MICU1: variants seen among roughly 807,000 people sequenced by gnomAD.
MICU1 encodes calcium uptake protein 1, mitochondrial.
In MICU1, 45 loss-of-function variants were observed where a neutral mutation model predicts 56.8. That is an observed-to-expected ratio of 0.79 (90% CI 0.62 to 1.02). The LOEUF is 1.02. MICU1 is among the 50% of genes least tolerant of loss of function. The pLI is 0.00. For missense variants in MICU1, 504 were observed against 587.1 expected, an observed-to-expected ratio of 0.86 and a Z score of 1.46; for synonymous variants, 186 against 195.1, an observed-to-expected ratio of 0.95 and a Z score of 0.39.
At chr10:72,407,354 A>G (rs1863664909) in intron 10 of MICU1, among the ~76,000 whole-genome samples, 1 of 152,200 alleles carries the variant, frequency 6.6e-6, no homozygotes, top group Admixed American at 6.5e-5. Flanking sequence ...TATTTAAATA[A>G]TTATTTCAAC....
intron 1 of MICU1, among the ~76,000 whole-genome samples, chr10:72,619,570 A>G (rs1842055173): frequency 1.3e-5 from 2 of 152,250 alleles, no homozygotes; most frequent in African/African-American, 4.8e-5. Context: ...GATGATGAAT[A>G]AGACCCAGTT....
intron 1 of MICU1, among the ~76,000 whole-genome samples, chr10:72,610,704 C>T (rs1841820617): frequency 6.6e-6 from 1 of 152,200 alleles, no homozygotes; most frequent in Non-Finnish European, 1.5e-5. Flanking sequence ...ACAGACATCA[C>T]TGTCCTCCCA....
rs1329380530 is a variant in MICU1 at position 72,569,226 on chromosome 10, TATATA to T, written c.-1-2437_-1-2433del. Among the ~76,000 whole-genome samples the T allele has an allele frequency of 3.4e-3, 181 of 53,034 alleles. 3 individuals are homozygous for T. The highest frequency in any genetic ancestry group is 0.03 in the East Asian group (59 of 1,982). 34.8% of individuals were successfully genotyped at this position (53,034 alleles called of 152,430 possible). A position where few individuals can be genotyped will look rare whatever the true frequency, so the allele number is the denominator to read the frequency against. On this transcript the variant is annotated intron_variant, in intron 1 of 11. Transcript: ENST00000361114. Reference sequence around the variant, plus strand: ...ATATGCATATATATATATATATATATATATATATATATTTTTTTTTTTTTTTGAGA... The same window carrying T: ...ATATGCATATATATATATATATATATTATATATTTTTTTTTTTTTTTGAGA...
intron 6 of MICU1, among the ~76,000 whole-genome samples, chr10:72,477,959 C>T (rs1483417846): frequency 6.6e-6 from 1 of 151,516 alleles, no homozygotes; most frequent in Non-Finnish European, 1.5e-5. Flanking sequence ...ACCTCCGCCT[C>T]CAGGGTTGAA....
At chr10:72,521,343 T>C (rs1867814877) in intron 5 of MICU1, among the ~76,000 whole-genome samples, 2 of 152,206 alleles carry the variant, frequency 1.3e-5, no homozygotes, top group South Asian at 4.1e-4. Flanking sequence ...CAAACATTTA[T>C]AGGTATCCCT....
chr10:72,586,452 A>G (rs1213969609), intron 1 of MICU1, among the ~76,000 whole-genome samples: 2 of 151,984 alleles, frequency 1.3e-5, no homozygotes, highest in Non-Finnish European at 1.5e-5. Context: ...GGAGTTCAAG[A>G]CCACCCTGAC....
intron 8 of MICU1, among the ~76,000 whole-genome samples, chr10:72,457,441 G>A (rs540321313): frequency 4.0e-5 from 6 of 149,930 alleles, no homozygotes; most frequent in Admixed American, 3.3e-4. Flanking sequence ...GGCTGGTCTC[G>A]AACTCTATAG....
At position 72,623,300 on chromosome 10, in the gene MICU1, C is replaced by CAAAAAA. The variant is rs1164753291; in HGVS notation, c.-2+2704_-2+2709dup. 5.9e-4 allele frequency among the ~76,000 whole-genome samples: 33 copies of CAAAAAA among 55,708 alleles called. 1 individual carries two copies. Among genetic ancestry groups the CAAAAAA allele is most frequent in the African/African-American group, 1.4e-3 (17 of 12,358 alleles). 36.5% of individuals were successfully genotyped at this position (55,708 alleles called of 152,430 possible). On this transcript the variant is annotated intron_variant, in intron 1 of 11. Transcript: ENST00000361114. Reference sequence around the variant, plus strand: ...GACAAGACAGAGCGAGACTCCGTCTCAAAAAAAAAAAAAAAAAAAAAGACA... The same window carrying CAAAAAA: ...GACAAGACAGAGCGAGACTCCGTCTCAAAAAAAAAAAAAAAAAAAAAAAAAAAGACA...
At chr10:72,476,407 C>G (rs1292847030) in intron 7 of MICU1, among the ~76,000 whole-genome samples, 1 of 151,778 alleles carries the variant, frequency 6.6e-6, no homozygotes, top group African/African-American at 2.4e-5. Flanking sequence ...TTTTTTTCCC[C>G]CTGTAGAGAT....
intron 8 of MICU1, among the ~76,000 whole-genome samples, chr10:72,445,371 G>A (rs1438866624): frequency 2.0e-5 from 3 of 152,108 alleles, no homozygotes; most frequent in Non-Finnish European, 4.4e-5. Flanking sequence ...AATCAGGGTA[G>A]ATGTCTGAAA....
At chr10:72,504,764 C>T (rs1332523839) in intron 6 of MICU1, among the ~76,000 whole-genome samples, 1 of 151,976 alleles carries the variant, frequency 6.6e-6, no homozygotes, top group Non-Finnish European at 1.5e-5. Flanking sequence ...CTATAAGGAG[C>T]TTAAATAACT....
intron 5 of MICU1, 48 bp downstream of exon 5, chr10:72,533,698 C>T (rs1454425197): frequency 7.3e-7 from 1 of 1,375,726 alleles, no homozygotes; most frequent in Non-Finnish European, 1.0e-6. Flanking sequence ...TAAAAATCTT[C>T]TTAGTAAATG....
chr10:72,600,165 G>A (rs551990759), intron 1 of MICU1, among the ~76,000 whole-genome samples: 5 of 151,924 alleles, frequency 3.3e-5, no homozygotes, highest in African/African-American at 1.2e-4. Context: ...GATGGTGGGC[G>A]TCTGTAGTCC....
At chr10:72,375,721 CACAAGG>C in intron 11 of MICU1, 56 bp downstream of exon 11, 1 of 1,488,186 alleles carries the variant, frequency 6.7e-7, no homozygotes, top group South Asian at 1.2e-5. Flanking sequence ...CTCCATTATA[CACAAGG>C]GCCTCTAAGG....
intron 10 of MICU1, among the ~76,000 whole-genome samples, chr10:72,402,911 G>A (rs1038865690): frequency 5.9e-5 from 9 of 152,168 alleles, no homozygotes; most frequent in African/African-American, 2.2e-4. Context: ...CAGGCGTGGT[G>A]GCATGAGCCT....
chr10:72,485,901 A>G (rs1468787622), intron 6 of MICU1, among the ~76,000 whole-genome samples: 11 of 148,190 alleles, frequency 7.4e-5, no homozygotes, highest in South Asian at 2.1e-4. Flanking sequence ...ACACACACGC[A>G]CACACACACA....
chr10:72,393,790 G>A (rs140096813), intron 10 of MICU1, among the ~76,000 whole-genome samples: 14 of 151,894 alleles, frequency 9.2e-5, no homozygotes, highest in Admixed American at 2.6e-4. Flanking sequence ...GTTTTGAGAC[G>A]GAGTCTTGCT....
chr10:72,379,809 G>A (rs1283640821), intron 10 of MICU1, among the ~76,000 whole-genome samples: 1 of 152,152 alleles, frequency 6.6e-6, no homozygotes, highest in Admixed American at 6.6e-5. Context: ...ACCATAGGAG[G>A]AAGAACTAGG....
At chr10:72,583,007 C>T (rs1032345796) in intron 1 of MICU1, 1 of 152,092 alleles carries the variant, frequency 6.6e-6, no homozygotes, top group Non-Finnish European at 1.5e-5. Context: ...GGCCAAAACT[C>T]CCATGCTGAC....
Sources: gnomAD v4.1 joint callset for allele counts (sites outside exome capture counted in the v4.1 genomes callset) on GRCh38, gnomAD v4.1.1 for gene constraint, MANE v1.5 for transcripts, NCBI Gene and HGNC (gene_info 2026-07-23, HGNC 2026-07-21) for gene names.